SCD5: variants seen among roughly 807,000 people sequenced by gnomAD.
The protein encoded by SCD5 is stearoyl-CoA desaturase 5.
A neutral mutation model predicts 30.4 loss-of-function variants in SCD5; 20 were observed. The ratio of observed to expected loss-of-function variants is 0.66; its 90% CI spans 0.46 to 0.96. SCD5 has a LOEUF of 0.96. Ranked by LOEUF, SCD5 falls within the 40% of genes least tolerant of loss-of-function variation. The pLI is 0.00. For synonymous variants in SCD5, 173 were observed against 176.4 expected (o/e 0.98, Z 0.16); for missense variants, 381 against 443.3 (o/e 0.86, Z 1.26).
At chr4:82,681,894 C>G (rs1728584953) in intron 2 of SCD5, among the ~76,000 whole-genome samples, 1 of 152,202 alleles carries the variant, frequency 6.6e-6, no homozygotes, top group South Asian at 2.1e-4. Context: ...CCTCTCTCCT[C>G]ACTTTGGTGT....
At chr4:82,694,276 G>A (rs1219328680) in intron 2 of SCD5, among the ~76,000 whole-genome samples, 1 of 152,174 alleles carries the variant, frequency 6.6e-6, no homozygotes, top group African/African-American at 2.4e-5. Context: ...CCAGGCCCTG[G>A]AGTTCTCAGA....
At chr4:82,702,285 T>C (rs1719866345) in intron 2 of SCD5, among the ~76,000 whole-genome samples, 1 of 151,716 alleles carries the variant, frequency 6.6e-6, no homozygotes, top group African/African-American at 2.4e-5. Context: ...GCTGGGACTA[T>C]AGGCATGCAC....
chr4:82,694,522 AATTTT>A (rs1382070262), intron 2 of SCD5, among the ~76,000 whole-genome samples: 4 of 152,100 alleles, frequency 2.6e-5, no homozygotes, highest in African/African-American at 9.7e-5. Context: ...AGGCTTTGAA[AATTTT>A]ATTTTATTTT....
intron 1 of SCD5, among the ~76,000 whole-genome samples, chr4:82,741,999 G>A (rs7688553): frequency 0.033 from 5,010 of 150,924 alleles, 121 homozygotes; most frequent in Middle Eastern, 0.061. Context: ...AAAATGGCGT[G>A]AAACCGGGAG....
At chr4:82,793,493 A>G (rs1339946786) in intron 1 of SCD5, among the ~76,000 whole-genome samples, 1 of 152,220 alleles carries the variant, frequency 6.6e-6, no homozygotes. Context: ...AAGAGCCCTT[A>G]TTTCCAAAGC....
chr4:82,732,416 G>A (rs184621251), intron 1 of SCD5, among the ~76,000 whole-genome samples: 6 of 152,338 alleles, frequency 3.9e-5, no homozygotes, highest in East Asian at 1.9e-4. Context: ...ATCATCTGCT[G>A]TCTTTATTCA....
chr4:82,698,358 T>C (rs1323903346), intron 2 of SCD5, among the ~76,000 whole-genome samples: 1 of 152,182 alleles, frequency 6.6e-6, no homozygotes, highest in Non-Finnish European at 1.5e-5. Context: ...TGAGCTGTAC[T>C]TGAGGGTGCT....
chr4:82,637,112 C>T (rs1210842221), intron 3 of SCD5, among the ~76,000 whole-genome samples: 1 of 152,210 alleles, frequency 6.6e-6, no homozygotes, highest in African/African-American at 2.4e-5. Flanking sequence ...CAACACTGTG[C>T]TGGCCAACCC....
intron 1 of SCD5, among the ~76,000 whole-genome samples, chr4:82,741,853 CGG>C (rs34875819): frequency 2.2e-5 from 1 of 45,400 alleles, no homozygotes. Flanking sequence ...TCAGAGTGGG[CGG>C]GGGGGGGGAG....
At chr4:82,648,557 T>C (rs1727678429) in intron 3 of SCD5, among the ~76,000 whole-genome samples, 1 of 152,158 alleles carries the variant, frequency 6.6e-6, no homozygotes, top group African/African-American at 2.4e-5. Flanking sequence ...AGAGGGTCGA[T>C]TGAGGTAGGA....
chr4:82,678,408 T>C (rs1728481478), intron 3 of SCD5, among the ~76,000 whole-genome samples: 1 of 152,204 alleles, frequency 6.6e-6, no homozygotes, highest in African/African-American at 2.4e-5. Flanking sequence ...AAATCTTCCA[T>C]TTTTATGGTC....
chr4:82,756,445 G>A (rs1246682143), intron 1 of SCD5, among the ~76,000 whole-genome samples: 1 of 152,116 alleles, frequency 6.6e-6, no homozygotes, highest in African/African-American at 2.4e-5. Context: ...ACCTCTTTAG[G>A]CTGGGCAAGG....
intron 1 of SCD5, among the ~76,000 whole-genome samples, chr4:82,761,495 C>T (rs1347975686): frequency 1.3e-5 from 2 of 152,176 alleles, no homozygotes; most frequent in Non-Finnish European, 2.9e-5. Context: ...TCTATAGACT[C>T]ACCCTAACTT....
chr4:82,764,085 C>A (rs1306401210), intron 1 of SCD5, among the ~76,000 whole-genome samples: 4 of 152,184 alleles, frequency 2.6e-5, no homozygotes, highest in Non-Finnish European at 4.4e-5. Context: ...ACTTTTTAAA[C>A]CAATCTGACA....
chr4:82,798,247 G>A, intron 1 of SCD5, 59 bp downstream of exon 1: 2 of 1,298,464 alleles, frequency 1.5e-6, no homozygotes, highest in Non-Finnish European at 9.8e-7. Flanking sequence ...GCGACCTCGC[G>A]CGCCCCAGCG....
chr4:82,763,925 G>A (rs879348828), intron 1 of SCD5, among the ~76,000 whole-genome samples: 4 of 152,184 alleles, frequency 2.6e-5, no homozygotes, highest in South Asian at 4.2e-4. Flanking sequence ...GAGTGGTTAT[G>A]TCCTCTTGAT....
intron 2 of SCD5, among the ~76,000 whole-genome samples, chr4:82,696,739 G>T (rs917415179): frequency 2.0e-5 from 3 of 152,310 alleles, no homozygotes; most frequent in African/African-American, 7.2e-5. Flanking sequence ...AACCTAGAAA[G>T]CAGCAGCATA....
intron 2 of SCD5, among the ~76,000 whole-genome samples, chr4:82,697,856 A>G (rs533889075): frequency 6.6e-6 from 1 of 152,364 alleles, no homozygotes; most frequent in Non-Finnish European, 1.5e-5. Flanking sequence ...TGCAGCATGC[A>G]TGGAATGACA....
At chr4:82,635,693 C>T (rs1294248489) in intron 4 of SCD5, among the ~76,000 whole-genome samples, 2 of 149,330 alleles carry the variant, frequency 1.3e-5, no homozygotes, top group African/African-American at 4.9e-5. Context: ...TCTGTATCAA[C>T]TCATTTAGCC....
Sources: allele counts gnomAD v4.1 joint callset (sites outside exome capture counted in the v4.1 genomes callset), GRCh38; gene constraint gnomAD v4.1.1; transcripts MANE v1.5; gene names NCBI Gene and HGNC (gene_info 2026-07-23, HGNC 2026-07-21).